Variants in PDE4D observed in about 807,000 individuals in gnomAD.
The protein encoded by PDE4D is 3',5'-cyclic-AMP phosphodiesterase 4D.
PDE4D carries 24 observed loss-of-function variants against 87.4 expected under a neutral mutation model. The observed-to-expected ratio is 0.27, with a 90% CI of 0.20 to 0.39. PDE4D has a LOEUF of 0.39. Among genes scored for constraint, PDE4D ranks in the 10% least tolerant of loss-of-function variants. The probability of loss-of-function intolerance (pLI) is 1.00; values close to 1 mark genes in which losing one functional copy is unlikely to be tolerated. For missense variants in PDE4D, 714 were observed against 1,041.0 expected (o/e 0.69, Z 4.32); for synonymous variants, 384 against 383.2 (o/e 1.00, Z -0.02).
At chr5:59,311,499 C>CAA (rs35020719) in intron 1 of PDE4D, among the ~76,000 whole-genome samples, 2,725 of 43,358 alleles carry the variant, frequency 0.063, 315 homozygotes, top group East Asian at 0.084. Context: ...GACTCTGTCT[C>CAA]AAAAAAAAAA....
intron 6 of PDE4D, chr5:58,999,451 T>C: frequency 9.9e-7 from 1 of 1,012,852 alleles, no homozygotes; most frequent in South Asian, 1.4e-5. Flanking sequence ...AATTTTGTAA[T>C]CAGAGTAAGG....
intron 1 of PDE4D, among the ~76,000 whole-genome samples, chr5:60,222,106 A>T (rs1480888758): frequency 6.6e-6 from 1 of 152,098 alleles, no homozygotes; most frequent in Non-Finnish European, 1.5e-5. Context: ...ATTTCACAAA[A>T]CTATGGAGTA....
intron 1 of PDE4D, among the ~76,000 whole-genome samples, chr5:59,774,120 T>G (rs1284718164): frequency 1.3e-5 from 2 of 152,196 alleles, no homozygotes; most frequent in Admixed American, 6.5e-5. Flanking sequence ...ATTTTTAGAC[T>G]TTTTACTATG....
chr5:60,196,079 T>C (rs1262288706), intron 1 of PDE4D, among the ~76,000 whole-genome samples: 1 of 151,670 alleles, frequency 6.6e-6, no homozygotes, highest in Non-Finnish European at 1.5e-5. Flanking sequence ...CACTTTTTAT[T>C]TCAGCACAAA....
At chr5:59,296,331 C>G (rs10054481) in intron 1 of PDE4D, among the ~76,000 whole-genome samples, 23,594 of 151,988 alleles carry the variant, frequency 0.16, 1,968 homozygotes, top group East Asian at 0.23. Flanking sequence ...TTCAGGCCTT[C>G]AGGCCTTCAG....
chr5:59,013,745 A>C (rs1281447234), intron 6 of PDE4D, among the ~76,000 whole-genome samples: 2 of 152,040 alleles, frequency 1.3e-5, no homozygotes, highest in Non-Finnish European at 2.9e-5. Context: ...ATTCCTTCTG[A>C]AACTATTCCA....
At chr5:59,392,763 G>A (rs1264051821) in intron 1 of PDE4D, among the ~76,000 whole-genome samples, 1 of 152,082 alleles carries the variant, frequency 6.6e-6, no homozygotes, top group Non-Finnish European at 1.5e-5. Context: ...AATAGCTCCT[G>A]GCTCCTGCAG....
chr5:60,005,843 G>T (rs1030702922), intron 2 of PDE4D, among the ~76,000 whole-genome samples: 1 of 151,810 alleles, frequency 6.6e-6, no homozygotes, highest in Admixed American at 6.6e-5. Flanking sequence ...TTAAAAGGGT[G>T]CAGAGAGAAA....
At chr5:60,512,584 G>A (rs1345409069) in intron 1 of PDE4D, among the ~76,000 whole-genome samples, 1 of 152,138 alleles carries the variant, frequency 6.6e-6, no homozygotes, top group Admixed American at 6.6e-5. Context: ...AGTTTTAGAA[G>A]ACTTTGGATG....
intron 5 of PDE4D, chr5:59,039,209 C>G (rs1054992212): frequency 2.3e-6 from 3 of 1,293,690 alleles, no homozygotes; most frequent in Admixed American, 4.1e-5. Flanking sequence ...GGGTCGGCCT[C>G]CAGGGAGGGC....
chr5:59,931,959 C>G (rs1020871793), intron 3 of PDE4D, among the ~76,000 whole-genome samples: 1 of 152,104 alleles, frequency 6.6e-6, no homozygotes, highest in Non-Finnish European at 1.5e-5. Context: ...CCTTGGCCTC[C>G]CAAAGTGCTG....
chr5:60,015,280 G>C (rs1439616923), intron 2 of PDE4D, among the ~76,000 whole-genome samples: 1 of 152,212 alleles, frequency 6.6e-6, no homozygotes, highest in Non-Finnish European at 1.5e-5. Flanking sequence ...TGGCCAGAGG[G>C]AAGATTGTGA....
chr5:59,016,411 T>TA (rs1754016023), intron 6 of PDE4D, among the ~76,000 whole-genome samples: 1 of 136,964 alleles, frequency 7.3e-6, no homozygotes, highest in Admixed American at 7.5e-5. Flanking sequence ...TTTTTTTTTT[T>TA]AATGTAGTCC....
At chr5:60,415,217 A>T (rs777152017) in intron 1 of PDE4D, among the ~76,000 whole-genome samples, 18 of 152,250 alleles carry the variant, frequency 1.2e-4, no homozygotes, top group Non-Finnish European at 2.5e-4. Context: ...TAGAATGTGA[A>T]TGTAAGTCAT....
At chr5:59,982,050 A>T (rs2152826022) in intron 3 of PDE4D, among the ~76,000 whole-genome samples, 1 of 152,324 alleles carries the variant, frequency 6.6e-6, no homozygotes, top group African/African-American at 2.4e-5. Context: ...TTTCTGGAAG[A>T]TCCTTGTAAA....
rs185192083 is a variant in PDE4D at position 59,199,908 on chromosome 5, G to A, written c.648-6372C>T. ...TACACATGTACATATATACATATAT[G>A]CATGTATATATACACACAGGCACAT... On this transcript the variant is annotated intron_variant, in intron 2 of 14. Transcript: ENST00000340635. Among the ~76,000 whole-genome samples, 659 of 151,132 alleles carry A rather than the reference G, an allele frequency of 4.4e-3. 5 individuals carry two copies. Among genetic ancestry groups the A allele is most frequent in the African/African-American group, 0.014 (578 of 41,164 alleles).
At chr5:59,577,943 T>G (rs897298890) in intron 1 of PDE4D, among the ~76,000 whole-genome samples, 4 of 152,212 alleles carry the variant, frequency 2.6e-5, no homozygotes, top group African/African-American at 9.6e-5. Context: ...ACATCAGTTC[T>G]GGTTAAAGTC....
rs1830150433 is a variant in PDE4D at position 59,619,954 on chromosome 5, T to C, written c.455+273214A>G. ...TATGCTTTGCTTTTTGAAGGAAGTG[T>C]TTTAAGTATGTTTAAATACCCATGT... is the stretch of plus-strand genomic sequence containing the variant. On this transcript the variant is annotated intron_variant, in intron 1 of 14. Coordinates refer to ENST00000340635, the MANE Select transcript of PDE4D (RefSeq NM_001104631.2). Among the ~76,000 whole-genome samples, 6 of 152,264 alleles carry C rather than the reference T, an allele frequency of 3.9e-5. No homozygotes were observed. The South Asian group carries it at 1.2e-3, about 32-fold the overall frequency.
chr5:59,594,413 C>G (rs142010988), intron 1 of PDE4D, among the ~76,000 whole-genome samples: 1 of 151,628 alleles, frequency 6.6e-6, no homozygotes, highest in African/African-American at 2.4e-5. Context: ...TTCCGCCTCC[C>G]GGGTTCAAGC....
Sources: allele counts gnomAD v4.1 joint callset (sites outside exome capture counted in the v4.1 genomes callset), GRCh38; gene constraint gnomAD v4.1.1; transcripts MANE v1.5; gene names NCBI Gene and HGNC (gene_info 2026-07-23, HGNC 2026-07-21).